MTOR: variants seen among roughly 807,000 people sequenced by gnomAD.
MTOR encodes the protein serine/threonine-protein kinase mTOR.
MTOR carries 70 observed loss-of-function variants against 319.8 expected under a neutral mutation model. That is an observed-to-expected ratio of 0.22 (90% CI 0.18 to 0.27). MTOR has a LOEUF of 0.27. Among genes scored for constraint, MTOR ranks in the 10% least tolerant of loss-of-function variants. MTOR has a pLI of 1.00. For missense variants in MTOR, 1,890 were observed against 3,274.4 expected (o/e 0.58, Z 10.32); for synonymous variants, 1,183 against 1,211.4 (o/e 0.98, Z 0.49).
intron 36 of MTOR, among the ~76,000 whole-genome samples, chr1:11,138,606 T>G (rs531932093): frequency 3.9e-5 from 6 of 152,316 alleles, no homozygotes; most frequent in African/African-American, 1.4e-4. Context: ...TCTCAGGTAC[T>G]TCACTGTGGG....
intron 26 of MTOR, among the ~76,000 whole-genome samples, chr1:11,202,301 G>A (rs910832780): frequency 6.7e-6 from 1 of 148,494 alleles, no homozygotes; most frequent in Non-Finnish European, 1.5e-5. Context: ...TGCACCTGTA[G>A]TCCCAGCTCA....
chr1:11,210,952 T>C (rs1175449558), intron 23 of MTOR, 46 bp from the exon 24 acceptor site: 1 of 1,246,796 alleles, frequency 8.0e-7, no homozygotes, highest in Non-Finnish European at 1.2e-6. Flanking sequence ...TTTTGGAGAG[T>C]GGAGAAAAAG....
chr1:11,197,784 C>A (rs940015368), intron 28 of MTOR, among the ~76,000 whole-genome samples: 6 of 152,154 alleles, frequency 3.9e-5, no homozygotes, highest in African/African-American at 1.4e-4. Context: ...ATCAAGTGAT[C>A]CACCCACCTT....
intron 26 of MTOR, among the ~76,000 whole-genome samples, chr1:11,202,779 G>A (rs576795288): frequency 5.3e-5 from 8 of 152,188 alleles, no homozygotes; most frequent in African/African-American, 1.4e-4. Flanking sequence ...GGCCTGGTGC[G>A]TGTCTGCAGT....
intron 28 of MTOR, among the ~76,000 whole-genome samples, chr1:11,180,439 G>A (rs562250013): frequency 1.4e-4 from 22 of 152,288 alleles, no homozygotes; most frequent in Admixed American, 2.0e-4. Flanking sequence ...CCTGCAGACT[G>A]TAAAACCCAG....
chr1:11,230,407 AAAAC>A (rs761885637), intron 18 of MTOR, among the ~76,000 whole-genome samples: 37 of 152,300 alleles, frequency 2.4e-4, no homozygotes, highest in Non-Finnish European at 4.6e-4. Context: ...CTCCATCTCA[AAAAC>A]AAACAAACAA....
intron 46 of MTOR, among the ~76,000 whole-genome samples, chr1:11,125,931 C>T (rs796084545): frequency 2.7e-5 from 4 of 148,120 alleles, no homozygotes; most frequent in African/African-American, 7.5e-5. Flanking sequence ...ATCCCAGCTA[C>T]GCGGGAGGCT....
chr1:11,253,998 C>T (rs748093090), intron 5 of MTOR, 25 bp from the exon 6 acceptor site: 3 of 1,614,150 alleles, frequency 1.9e-6, no homozygotes, highest in Non-Finnish European at 2.5e-6. Context: ...AGGGTGCCTT[C>T]ATTAGAGACA....
At chr1:11,194,568 CG>C in intron 28 of MTOR, 2 of 1,614,150 alleles carry the variant, frequency 1.2e-6, no homozygotes, top group Non-Finnish European at 1.7e-6. Context: ...ATGTGGGGAA[CG>C]ACGCCCTCCA....
At chr1:11,124,260 T>C (rs1171283970) in intron 47 of MTOR, among the ~76,000 whole-genome samples, 1 of 152,154 alleles carries the variant, frequency 6.6e-6, no homozygotes, top group Admixed American at 6.5e-5. Flanking sequence ...TCTTGCTCTA[T>C]TACCCAGGCT....
chr1:11,246,562 G>A (rs1004000886), intron 8 of MTOR, among the ~76,000 whole-genome samples: 3 of 151,714 alleles, frequency 2.0e-5, no homozygotes, highest in East Asian at 1.9e-4. Flanking sequence ...TTCGAACAGC[G>A]TGTTTAACAC....
At position 11,146,718 on chromosome 1, in the gene MTOR, A is replaced by G; in HGVS notation, c.4644T>C (p.Ala1548=). Residue 1548 remains alanine (A), a synonymous_variant, in exon 32 of 58, where the codon GCT becomes GCC. Transcript: ENST00000361445. ...RDTHDGAFYR[A]VLALHQDLFS... is the part of the protein sequence containing the mutation. ...AGAGGTCCTGATGCAGTGCCAGCAC[A>G]GCTCTATAAAATGCCCCATCATGGG... 2 of 1,614,110 alleles carry G rather than the reference A, an allele frequency of 1.2e-6. No homozygotes were observed. Among genetic ancestry groups the G allele is most frequent in the Non-Finnish European group, 1.7e-6 (2 of 1,180,020 alleles).
At chr1:11,167,366 T>C in intron 29 of MTOR, 76 bp downstream of exon 29, 1 of 1,153,122 alleles carries the variant, frequency 8.7e-7, no homozygotes, top group East Asian at 2.4e-5. Flanking sequence ...GGAAAGTAAC[T>C]TTCTGAAGGT....
chr1:11,114,953 C>T, intron 51 of MTOR, 66 bp from the exon 52 acceptor site: 1 of 1,449,466 alleles, frequency 6.9e-7, no homozygotes, highest in African/African-American at 1.4e-5. Context: ...CCAGGTGGAG[C>T]AGGTGGCTTT....
In MTOR at chr1:11,129,809, C is replaced by T. The variant is rs764583331; in HGVS notation, c.5643G>A (p.Thr1881=). The change falls in exon 40 of 58, where the codon ACG becomes ACA. Residue 1881 remains threonine (T), a synonymous_variant. Transcript: ENST00000361445. The surrounding 1 kb of genome is among the most constrained non-coding windows in gnomAD (Gnocchi z 4.7). ...GGAAGAAGCCCTGGACGGCAGGCAC[C>T]GTGTACATCAGGAGGGTTTTGGACA... ...EDLSKTLLMY[T]VPAVQGFFRS... The T allele has an allele frequency of 1.5e-5, 24 of 1,614,076 alleles. No homozygotes were observed. The highest frequency in any genetic ancestry group is 8.0e-5 in the African/African-American group (6 of 74,948).
chr1:11,225,732 T>G (rs1646814675), intron 19 of MTOR, among the ~76,000 whole-genome samples: 1 of 152,152 alleles, frequency 6.6e-6, no homozygotes, highest in Admixed American at 6.5e-5. Context: ...GATAGTTGCT[T>G]CTTTGAAAAA....
At chr1:11,176,591 G>A (rs1366311356) in intron 28 of MTOR, among the ~76,000 whole-genome samples, 1 of 152,164 alleles carries the variant, frequency 6.6e-6, no homozygotes, top group Non-Finnish European at 1.5e-5. Flanking sequence ...TTCCCCTGGC[G>A]CCAGGCTGGT....
rs1256522696 is a variant in MTOR at position 11,168,708 on chromosome 1, A to T, written c.4254-1191T>A. On this transcript the variant is annotated intron_variant, in intron 28 of 57. Transcript: ENST00000361445. Reference sequence around the variant, plus strand: ...ATCTTTAGGCTGGAGGACTGTTACCACACTGGGACAACTGGGCAGTGCCAC... The same window carrying T: ...ATCTTTAGGCTGGAGGACTGTTACCTCACTGGGACAACTGGGCAGTGCCAC... Among the ~76,000 whole-genome samples the T allele has an allele frequency of 2.6e-5, 4 of 152,182 alleles. No homozygotes were observed. In the East Asian group the frequency reaches 7.7e-4, roughly 29 times the overall value.
rs187591284 is a variant in MTOR, at chr1:11,232,637, G to A, written c.2422-109C>T. ...TGCCTGTAATCCCAGCACTTTGGGA[G>A]GCTGAGGAGGGCAGATCACCTGGCA... On this transcript the variant is annotated intron_variant, in intron 15 of 57. Coordinates refer to ENST00000361445, the MANE Select transcript of MTOR (RefSeq NM_004958.4). 3.8e-6 allele frequency: 3 copies of A among 787,156 alleles called. No individual in the cohort carries two copies. The Admixed American group carries it at 6.8e-5, about 18-fold the overall frequency. 48.8% of individuals were successfully genotyped at this position (787,156 alleles called of 1,614,324 possible).
Sources: allele counts gnomAD v4.1 joint callset (sites outside exome capture counted in the v4.1 genomes callset), GRCh38; gene constraint gnomAD v4.1.1; non-coding constraint Gnocchi (gnomAD v3.1); transcripts MANE v1.5; gene names NCBI Gene and HGNC (gene_info 2026-07-23, HGNC 2026-07-21).